Variants in ERH observed in about 807,000 individuals in gnomAD.
ERH encodes enhancer of rudimentary homolog.
A neutral mutation model predicts 16.8 loss-of-function variants in ERH; 1 was observed. The ratio of observed to expected loss-of-function variants is 0.06; its 90% CI spans 0.02 to 0.28. The LOEUF (loss-of-function observed/expected upper bound fraction) is 0.28. Ranked by LOEUF, ERH falls within the 10% of genes least tolerant of loss-of-function variation. The probability of loss-of-function intolerance (pLI) is 1.00; values close to 1 mark genes in which losing one functional copy is unlikely to be tolerated. For synonymous variants in ERH, 43 were observed against 43.6 expected (o/e 0.99, Z 0.05); for missense variants, 42 against 127.5 (o/e 0.33, Z 3.23).
chr14:69,398,127 A>C, intron 1 of ERH, 104 bp downstream of exon 1: 1 of 1,319,694 alleles, frequency 7.6e-7, no homozygotes, highest in Non-Finnish European at 1.0e-6. Context: ...GGGGAGCATC[A>C]CGCGGCGCTG....
intron 1 of ERH, 149 bp downstream of exon 1, chr14:69,398,082 G>A: frequency 9.7e-7 from 1 of 1,025,990 alleles, no homozygotes. Flanking sequence ...CGTCCCTGCG[G>A]CGGGAAGAAG....
At chr14:69,389,130 C>T (rs555472868) in intron 2 of ERH, among the ~76,000 whole-genome samples, 3 of 152,106 alleles carry the variant, frequency 2.0e-5, no homozygotes, top group Admixed American at 6.5e-5. Context: ...AAGCGATTCT[C>T]TTGCCTCAGG....
In ERH at chr14:69,387,000, C is replaced by G; in HGVS notation, c.175G>C (p.Asp59His). The G allele has an allele frequency of 1.2e-6, 2 of 1,613,796 alleles. No homozygotes were observed. The highest frequency in any genetic ancestry group is 1.7e-6 in the Non-Finnish European group (2 of 1,179,768). ...SITYDISQLFDFIDDLADLSC... is the reference protein window; with the variant it reads ...SITYDISQLFHFIDDLADLSC... ...AGGTCTGCCAGATCATCGATGAAAT[C>G]AAACAACTGACTGATGTCATATGTG... The change falls in exon 3 of 4, where the codon GAT (aspartate) becomes CAT (histidine). Residue 59 changes from aspartate (D) to histidine (H), a missense_variant. Physicochemically the swap from Asp to His is moderately conservative, Grantham distance 81. Transcript: ENST00000557016.
intron 2 of ERH, among the ~76,000 whole-genome samples, chr14:69,391,654 CAAAAAAAAAAAAAA>C (rs58399149): frequency 5.0e-4 from 11 of 21,986 alleles, no homozygotes; most frequent in Admixed American, 3.8e-3. Context: ...TCTCGCACGC[CAAAAAAAAAAAAAA>C]AAAAAAAAAA....
chr14:69,380,350 AAG>A lies in ERH; in HGVS notation c.*186_*187del, dbSNP rs1283425240. 1 of 425,638 alleles carries A rather than the reference AAG, an allele frequency of 2.3e-6. No individual in the cohort carries two copies. Among genetic ancestry groups the A allele is most frequent in the African/African-American group, 2.0e-5 (1 of 49,142 alleles). 26.4% of individuals were successfully genotyped at this position (425,638 alleles called of 1,614,324 possible). Reference sequence around the variant, plus strand: ...AAGTAAAAAAAAAAAAAGAAAGAGAAAGAAAAAGAGGAGGTAACGGGGGTTTC... The same window carrying A: ...AAGTAAAAAAAAAAAAAGAAAGAGAAAAAAAGAGGAGGTAACGGGGGTTTC... On this transcript the variant is annotated 3_prime_UTR_variant, in exon 4 of 4. Transcript: ENST00000557016.
Position 69,387,097 on chromosome 14 carries a change from G to C in ERH, c.92-14C>G. The C allele has an allele frequency of 2.5e-6, 4 of 1,610,458 alleles. No homozygotes were observed. The highest frequency in any genetic ancestry group is 3.4e-6 in the Non-Finnish European group (4 of 1,178,308). On this transcript the variant is annotated splice_polypyrimidine_tract_variant and intron_variant, in intron 2 of 3. Transcript: ENST00000557016. ...TTTTACAAACACCTAAGAAAGGATA[G>C]GAAAAAAAGCAAAATCTTACAATCG...
intron 2 of ERH, among the ~76,000 whole-genome samples, chr14:69,393,616 C>T (rs1882267392): frequency 6.6e-6 from 1 of 152,166 alleles, no homozygotes; most frequent in South Asian, 2.1e-4. Flanking sequence ...GATGTGTGCA[C>T]ATGGACAGAC....
At chr14:69,394,476 G>A (rs1204120061) in intron 2 of ERH, among the ~76,000 whole-genome samples, 1 of 152,142 alleles carries the variant, frequency 6.6e-6, no homozygotes, top group African/African-American at 2.4e-5. Flanking sequence ...CATGCCTGTA[G>A]TCCCAGCTAC....
At chr14:69,393,061 A>T (rs1452241329) in intron 2 of ERH, among the ~76,000 whole-genome samples, 2 of 152,242 alleles carry the variant, frequency 1.3e-5, no homozygotes, top group Admixed American at 1.3e-4. Flanking sequence ...TCACGCCTGT[A>T]ATCCCAGCAC....
intron 3 of ERH, among the ~76,000 whole-genome samples, chr14:69,383,669 C>G (rs889433808): frequency 6.6e-6 from 1 of 152,142 alleles, no homozygotes; most frequent in Non-Finnish European, 1.5e-5. Flanking sequence ...CGGTTTTTAA[C>G]ACTCTGAAAC....
At chr14:69,388,631 G>A (rs1343660164) in intron 2 of ERH, among the ~76,000 whole-genome samples, 1 of 152,054 alleles carries the variant, frequency 6.6e-6, no homozygotes, top group East Asian at 1.9e-4. Flanking sequence ...CAAAGGGCTG[G>A]GATTACAGGC....
At chr14:69,380,714 C>T in intron 3 of ERH, 74 bp from the exon 4 acceptor site, 1 of 821,884 alleles carries the variant, frequency 1.2e-6, no homozygotes, top group Non-Finnish European at 2.1e-6. Flanking sequence ...CAAATTATAA[C>T]TGCCCAATGA....
Position 69,380,228 on chromosome 14 carries a change from A to T in ERH, c.*310T>A. ...CACCCCATCTTGAAGAAGGGTTAGT[A>T]TGTGAATGTTATAAAGTAGATATGA... On this transcript the variant is annotated 3_prime_UTR_variant, in exon 4 of 4. Coordinates refer to ENST00000557016, the MANE Select transcript of ERH (RefSeq NM_004450.3). 5.2e-6 allele frequency: 1 copy of T among 190,778 alleles called. No homozygotes were observed. The highest frequency in any genetic ancestry group is 1.2e-4 in the East Asian group (1 of 8,100). The allele number at this position is 190,778 out of a possible 1,614,324, so 11.8% of individuals were successfully genotyped here.
At chr14:69,391,729 G>C (rs935224316) in intron 2 of ERH, among the ~76,000 whole-genome samples, 1 of 145,640 alleles carries the variant, frequency 6.9e-6, no homozygotes, top group African/African-American at 2.6e-5. Flanking sequence ...TTCATACTCC[G>C]TAACTCTAAC....
chr14:69,384,461 TA>T (rs2045880326), intron 3 of ERH, among the ~76,000 whole-genome samples: 1 of 152,202 alleles, frequency 6.6e-6, no homozygotes, highest in African/African-American at 2.4e-5. Flanking sequence ...CCACTCCAGC[TA>T]GCTCTTAACC....
intron 3 of ERH, 70 bp from the exon 4 acceptor site, chr14:69,380,710 A>G (rs1407855552): frequency 1.2e-6 from 1 of 840,452 alleles, no homozygotes; most frequent in Non-Finnish European, 2.1e-6. Context: ...TCCCCAAATT[A>G]TAACTGCCCA....
At chr14:69,387,782 C>T (rs1487817137) in intron 2 of ERH, among the ~76,000 whole-genome samples, 4 of 151,648 alleles carry the variant, frequency 2.6e-5, no homozygotes, top group African/African-American at 7.3e-5. Context: ...CAGTGGCTCA[C>T]GCCTGTAATC....
intron 3 of ERH, among the ~76,000 whole-genome samples, chr14:69,383,982 T>TA (rs1380723350): frequency 2.0e-5 from 3 of 152,258 alleles, no homozygotes; most frequent in Non-Finnish European, 2.9e-5. Flanking sequence ...ACCCTGTCTC[T>TA]AAAATTTTTT....
At chr14:69,380,964 G>C (rs1220238879) in intron 3 of ERH, among the ~76,000 whole-genome samples, 1 of 152,124 alleles carries the variant, frequency 6.6e-6, no homozygotes, top group Non-Finnish European at 1.5e-5. Context: ...TATTTTTATG[G>C]TTCCTTTAGT....
Sources: gnomAD v4.1 joint callset for allele counts (sites outside exome capture counted in the v4.1 genomes callset) on GRCh38, gnomAD v4.1.1 for gene constraint, MANE v1.5 for transcripts, NCBI Gene and HGNC (gene_info 2026-07-23, HGNC 2026-07-21) for gene names.